The following RGS10 variants were observed in gnomAD, a reference collection of about 807,000 sequenced individuals.
RGS10 encodes regulator of G-protein signalling 10.
Under a neutral mutation model 23.5 loss-of-function variants are expected in RGS10, and 11 were observed. That is an observed-to-expected ratio of 0.47 (90% CI 0.29 to 0.77). RGS10 has a LOEUF of 0.77. Ranked by LOEUF, RGS10 falls within the 30% of genes least tolerant of loss-of-function variation. The pLI is 0.08. For synonymous variants in RGS10, 77 were observed against 83.2 expected, an observed-to-expected ratio of 0.92 and a Z score of 0.41; for missense variants, 180 against 226.3, an observed-to-expected ratio of 0.80 and a Z score of 1.31.
intron 1 of RGS10, among the ~76,000 whole-genome samples, chr10:119,531,185 C>A (rs1170069423): frequency 6.6e-6 from 1 of 152,186 alleles, no homozygotes; most frequent in African/African-American, 2.4e-5. Context: ...GCTCTTTGCC[C>A]AGAGAATACA....
At chr10:119,507,579 C>CTTTTTT (rs35699150) in intron 4 of RGS10, among the ~76,000 whole-genome samples, 1 of 64,402 alleles carries the variant, frequency 1.6e-5, no homozygotes, top group African/African-American at 6.7e-5. Context: ...TCACCCAAGG[C>CTTTTTT]TTTTTTTTTT....
chr10:119,526,169 AT>A, intron 2 of RGS10, 51 bp from the exon 3 acceptor site: 1 of 979,438 alleles, frequency 1.0e-6, no homozygotes, highest in Non-Finnish European at 1.5e-6. Flanking sequence ...TAAAAAAAAA[AT>A]AAAACAAATG....
chr10:119,541,559 G>C (rs961868700), intron 1 of RGS10, among the ~76,000 whole-genome samples: 1 of 152,128 alleles, frequency 6.6e-6, no homozygotes, highest in Non-Finnish European at 1.5e-5. Flanking sequence ...AGCCAGTCTG[G>C]TCCCAGTCTC....
intron 1 of RGS10, among the ~76,000 whole-genome samples, chr10:119,528,035 G>T (rs1297392913): frequency 4.6e-5 from 7 of 152,042 alleles, no homozygotes; most frequent in Admixed American, 2.0e-4. Context: ...AGCTCTTTTT[G>T]TTTGTTTGTT....
chr10:119,509,233 G>C lies in RGS10; in HGVS notation c.399+6276C>G, dbSNP rs188841368. ...TTATTATAACCTCCACTTCACAAATGAGAAAAGCTAGGCACGGAGAGGGAG... is the reference window on the plus strand; with the variant it reads ...TTATTATAACCTCCACTTCACAAATCAGAAAAGCTAGGCACGGAGAGGGAG... On this transcript the variant is annotated intron_variant, in intron 4 of 4. Transcript: ENST00000369103. Among the ~76,000 whole-genome samples the C allele has an allele frequency of 1.8e-4, 27 of 152,124 alleles. 1 individual carries two copies. The highest frequency in any genetic ancestry group is 1.8e-3 in the Admixed American group (27 of 15,284).
intron 2 of RGS10, among the ~76,000 whole-genome samples, chr10:119,526,907 C>T (rs1054012742): frequency 1.3e-5 from 2 of 151,970 alleles, no homozygotes; most frequent in African/African-American, 2.4e-5. Flanking sequence ...TCGCCAAGTT[C>T]TCATTGCCAG....
intron 1 of RGS10, chr10:119,536,603 C>T (rs750123302): frequency 3.4e-5 from 39 of 1,144,472 alleles, no homozygotes; most frequent in Non-Finnish European, 4.8e-5. Flanking sequence ...CAAGCCTCAA[C>T]ATCCTCTTTT....
chr10:119,528,043 G>A (rs886125895), intron 1 of RGS10, among the ~76,000 whole-genome samples: 4 of 152,116 alleles, frequency 2.6e-5, no homozygotes, highest in African/African-American at 9.7e-5. Context: ...TTGTTTGTTT[G>A]TTTGTTTTTG....
chr10:119,527,388 T>C lies in RGS10; in HGVS notation c.86A>G (p.His29Arg). Residue 29 changes from histidine to arginine, a missense_variant, in exon 2 of 5, where the codon CAC becomes CGC. Transcript: ENST00000369103. This position sits in a 1 kb window ranked among gnomAD's most constrained non-coding sequence, Gnocchi z 4.2. ...TTTGGCTGTGCTCTTGAGGCTCTGG[T>C]GGCTGCTGCTGGAACTGCCATCGCT... is the stretch of plus-strand genomic sequence containing the variant. ...HDSDGSSSSSHQSLKSTAKWA... is the reference protein window; with the variant it reads ...HDSDGSSSSSRQSLKSTAKWA... The C allele has an allele frequency of 1.2e-6, 2 of 1,614,256 alleles. No homozygotes were observed. The highest frequency in any genetic ancestry group is 1.7e-6 in the Non-Finnish European group (2 of 1,180,036).
intron 4 of RGS10, among the ~76,000 whole-genome samples, chr10:119,511,583 T>C (rs912892736): frequency 1.3e-5 from 2 of 152,172 alleles, no homozygotes; most frequent in African/African-American, 4.8e-5. Context: ...GGCACCATTG[T>C]ACTCCAGCCT....
At chr10:119,533,786 C>T (rs1844356322) in intron 1 of RGS10, among the ~76,000 whole-genome samples, 1 of 152,172 alleles carries the variant, frequency 6.6e-6, no homozygotes, top group African/African-American at 2.4e-5. Flanking sequence ...TCATTGTTTA[C>T]TTCAGCTGTA....
intron 4 of RGS10, among the ~76,000 whole-genome samples, chr10:119,509,959 G>C (rs886708873): frequency 6.6e-6 from 1 of 151,764 alleles, no homozygotes; most frequent in East Asian, 1.9e-4. Context: ...AGAGGGGGAA[G>C]GGGGGAGAGG....
At chr10:119,515,711 C>A in intron 3 of RGS10, 59 bp from the exon 4 acceptor site, 1 of 1,594,940 alleles carries the variant, frequency 6.3e-7, no homozygotes. Flanking sequence ...CGGCCTGAGC[C>A]CTGCTCTCCC....
chr10:119,521,130 G>C (rs561384283), intron 3 of RGS10, among the ~76,000 whole-genome samples: 1 of 152,264 alleles, frequency 6.6e-6, no homozygotes. Context: ...CAGCACTTTG[G>C]GAGGCTGAGG....
At chr10:119,528,844 TAATA>T (rs59583887) in intron 1 of RGS10, among the ~76,000 whole-genome samples, 96,537 of 149,110 alleles carry the variant, frequency 0.65, 32,172 homozygotes, top group Non-Finnish European at 0.72. Context: ...AAAATAATGA[TAATA>T]AATAAATAAA....
At chr10:119,521,700 T>C (rs1317407641) in intron 3 of RGS10, among the ~76,000 whole-genome samples, 2 of 131,936 alleles carry the variant, frequency 1.5e-5, no homozygotes, top group Non-Finnish European at 3.2e-5. Context: ...GATCCTATAC[T>C]ATCCCAGAGA....
In RGS10 at chr10:119,509,073, C is replaced by A. The variant is rs1201744359; in HGVS notation, c.399+6436G>T. ...CCATGATGGTGCCACTGTATTCCAG[C>A]CTCGATGACAGAGGGAGACCCAGTA... On this transcript the variant is annotated intron_variant, in intron 4 of 4. Transcript: ENST00000369103. Among the ~76,000 whole-genome samples, 32 of 152,042 alleles carry A rather than the reference C, an allele frequency of 2.1e-4. 1 individual carries two copies. Among genetic ancestry groups the A allele is most frequent in the Admixed American group, 2.1e-3 (32 of 15,254 alleles).
chr10:119,535,132 G>A (rs1844374130), intron 1 of RGS10, among the ~76,000 whole-genome samples: 1 of 152,012 alleles, frequency 6.6e-6, no homozygotes, highest in South Asian at 2.1e-4. Context: ...TCTTTACCAA[G>A]GGCTCTACTG....
chr10:119,511,645 A>G (rs1316866438), intron 4 of RGS10, among the ~76,000 whole-genome samples: 9 of 152,114 alleles, frequency 5.9e-5, no homozygotes, highest in African/African-American at 1.9e-4. Context: ...TGAAGTGCTC[A>G]TTAAAATGAA....
Sources: allele counts gnomAD v4.1 joint callset (sites outside exome capture counted in the v4.1 genomes callset), GRCh38; gene constraint gnomAD v4.1.1; non-coding constraint Gnocchi (gnomAD v3.1); transcripts MANE v1.5; gene names NCBI Gene and HGNC (gene_info 2026-07-23, HGNC 2026-07-21).